Variants in TTC17 observed in about 807,000 individuals in gnomAD.
TTC17 encodes the protein tetratricopeptide repeat domain 17, also known as tetratricopeptide repeat protein 17.
Under a neutral mutation model 143.8 loss-of-function variants are expected in TTC17, and 58 were observed. The observed-to-expected ratio is 0.40, with a 90% CI of 0.33 to 0.50. The LOEUF is 0.50. Ranked by LOEUF, TTC17 falls within the 20% of genes least tolerant of loss-of-function variation. The pLI is 0.49. For synonymous variants in TTC17, 501 were observed against 497.8 expected, an observed-to-expected ratio of 1.01 and a Z score of -0.09; for missense variants, 1,273 against 1,392.5, an observed-to-expected ratio of 0.91 and a Z score of 1.37.
Position 43,404,000 on chromosome 11 carries a change from T to G in TTC17, c.1335T>G (p.Phe445Leu), listed in dbSNP as rs370434041. The change falls in exon 11 of 24, where the codon TTT becomes TTG. Residue 445 changes from phenylalanine (F) to leucine (L), a missense_variant and splice_region_variant. Transcript: ENST00000039989. Reference protein sequence around the residue: ...DIFENVDYVQFGEDSSTSSMM... With the variant: ...DIFENVDYVQLGEDSSTSSMM... ...GAACTTTTTGTTTCATTTTCTAGTT[T>G]GGTGAGGATTCATCAACCTCCAGTA... The G allele has an allele frequency of 1.9e-5, 31 of 1,592,806 alleles. No homozygotes were observed. Among genetic ancestry groups the G allele is most frequent in the Non-Finnish European group, 2.5e-5 (29 of 1,171,620 alleles).
chr11:43,420,813 T>C (rs955338476), intron 16 of TTC17, among the ~76,000 whole-genome samples: 3 of 152,194 alleles, frequency 2.0e-5, no homozygotes, highest in Admixed American at 1.3e-4. Flanking sequence ...AGAATGAGCC[T>C]ATTAGCCCTT....
Position 43,407,354 on chromosome 11 carries a change from C to CA in TTC17, c.1844dup (p.Asn615LysfsTer10). The CA allele has an allele frequency of 6.2e-7, 1 of 1,612,552 alleles. No homozygotes were observed. Among genetic ancestry groups the CA allele is most frequent in the Non-Finnish European group, 8.5e-7 (1 of 1,179,292 alleles). On this transcript the variant is annotated frameshift_variant and splice_region_variant, in exon 15 of 24. Transcript: ENST00000039989. LOFTEE classifies it high-confidence loss of function. ...CTGAAGTATTTTTGGATTTTTCAGCCAAATGCTCCTATCTGGCTCATACTC... is the reference window on the plus strand; with the variant it reads ...CTGAAGTATTTTTGGATTTTTCAGCCAAAATGCTCCTATCTGGCTCATACTC...
At chr11:43,429,077 G>T (rs1412666648) in intron 16 of TTC17, among the ~76,000 whole-genome samples, 1 of 152,208 alleles carries the variant, frequency 6.6e-6, no homozygotes, top group Non-Finnish European at 1.5e-5. Flanking sequence ...GGATAGAACA[G>T]GGCAGAGGAG....
intron 15 of TTC17, among the ~76,000 whole-genome samples, chr11:43,411,592 T>C (rs1858415668): frequency 6.6e-6 from 1 of 152,218 alleles, no homozygotes; most frequent in East Asian, 1.9e-4. Context: ...GCCTGCAACA[T>C]AGTAAATACT....
chr11:43,419,900 T>C (rs1467145312), intron 16 of TTC17, among the ~76,000 whole-genome samples: 1 of 152,182 alleles, frequency 6.6e-6, no homozygotes, highest in Non-Finnish European at 1.5e-5. Context: ...TCACCTCCAT[T>C]TATTTCTGTA....
chr11:43,397,570 A>G, intron 7 of TTC17, 79 bp downstream of exon 7: 1 of 1,394,830 alleles, frequency 7.2e-7, no homozygotes, highest in Non-Finnish European at 9.5e-7. Flanking sequence ...CCTCAGTAGA[A>G]TGTTACTTTT....
rs147599577 is a variant in TTC17, at chr11:43,412,775, C to T, written c.2065-1815C>T. Among the ~76,000 whole-genome samples, 33 of 152,116 alleles carry T rather than the reference C, an allele frequency of 2.2e-4. No homozygotes were observed. In the East Asian group the frequency reaches 5.6e-3, roughly 26 times the overall value. Reference sequence around the variant, plus strand: ...AATCCAAAACATTTCTGGTTCTAGGCATTTTGGATAAGGGATACTCAACTT... The same window carrying T: ...AATCCAAAACATTTCTGGTTCTAGGTATTTTGGATAAGGGATACTCAACTT... On this transcript the variant is annotated intron_variant, in intron 15 of 23. Transcript: ENST00000039989.
chr11:43,410,148 C>T (rs1318733464), intron 15 of TTC17, among the ~76,000 whole-genome samples: 1 of 152,152 alleles, frequency 6.6e-6, no homozygotes, highest in Non-Finnish European at 1.5e-5. Context: ...CCCTTATGCC[C>T]AACCTTGTAA....
intron 8 of TTC17, among the ~76,000 whole-genome samples, chr11:43,399,411 T>A (rs747631441): frequency 6.6e-6 from 1 of 152,192 alleles, no homozygotes; most frequent in Non-Finnish European, 1.5e-5. Flanking sequence ...ATGCCTGTAA[T>A]CCCAGTTATT....
At chr11:43,435,979 G>A (rs535775640) in intron 16 of TTC17, among the ~76,000 whole-genome samples, 6 of 152,300 alleles carry the variant, frequency 3.9e-5, no homozygotes, top group South Asian at 2.1e-4. Flanking sequence ...GAACTTCAGC[G>A]CAAAATCTTG....
rs1318167599 is a variant in TTC17, at chr11:43,405,843, C to A, written c.1653C>A (p.Asp551Glu). 1 of 1,614,052 alleles carries A rather than the reference C, an allele frequency of 6.2e-7. No homozygotes were observed. Among genetic ancestry groups the A allele is most frequent in the South Asian group, 1.1e-5 (1 of 91,084 alleles). Reference protein sequence around the residue: ...YSTEEEAQTPDCSITDFRKSH... With the variant: ...YSTEEEAQTPECSITDFRKSH... Reference sequence around the variant, plus strand: ...CAGAAGAAGAGGCCCAAACCCCTGACTGTTCCATAACTGACTTCAGAAAAA... The same window carrying A: ...CAGAAGAAGAGGCCCAAACCCCTGAATGTTCCATAACTGACTTCAGAAAAA... The change falls in exon 13 of 24, where the codon GAC (aspartate) becomes GAA (glutamate). Residue 551 changes from aspartate (D) to glutamate (E), a missense_variant. Around this residue, in one of 3 missense-constraint regions of TTC17, gnomAD observed 878 missense variants for 899.8 expected, o/e 0.98. Transcript: ENST00000039989.
intron 21 of TTC17, among the ~76,000 whole-genome samples, chr11:43,462,793 A>G (rs961834945): frequency 2.9e-4 from 43 of 150,690 alleles, no homozygotes; most frequent in African/African-American, 1.1e-3. Flanking sequence ...CATATTCCCA[A>G]TCAAAGTAGA....
chr11:43,380,991 A>G (rs986103395), intron 2 of TTC17, among the ~76,000 whole-genome samples: 1 of 152,186 alleles, frequency 6.6e-6, no homozygotes, highest in Non-Finnish European at 1.5e-5. Context: ...TTTCAGGTAT[A>G]TAGACACATT....
rs139723379 is a variant in TTC17, at chr11:43,431,803, C to T, written c.2252-11522C>T. On this transcript the variant is annotated intron_variant, in intron 16 of 23. Transcript: ENST00000039989. ...AGCAGTTCAAGTCCAGCCTGGGCAA[C>T]ATAGTGAGACCCCCATCTCTTAAAA... is the stretch of plus-strand genomic sequence containing the variant. 3.9e-5 allele frequency among the ~76,000 whole-genome samples: 6 copies of T among 152,334 alleles called. No individual in the cohort carries two copies. In the East Asian group the frequency reaches 1.2e-3, roughly 29 times the overall value.
chr11:43,400,102 TG>T, intron 9 of TTC17, 54 bp downstream of exon 9: 1 of 1,555,702 alleles, frequency 6.4e-7, no homozygotes, highest in Non-Finnish European at 8.7e-7. Flanking sequence ...ACTTTTAGCA[TG>T]CTTTACTATC....
At chr11:43,387,839 T>C (rs1857225005) in intron 2 of TTC17, among the ~76,000 whole-genome samples, 1 of 152,226 alleles carries the variant, frequency 6.6e-6, no homozygotes, top group Admixed American at 6.5e-5. Context: ...TATTAGTGAA[T>C]AGTAATACAG....
chr11:43,489,432 C>T (rs1007326403), intron 21 of TTC17, among the ~76,000 whole-genome samples: 1 of 152,040 alleles, frequency 6.6e-6, no homozygotes, highest in African/African-American at 2.4e-5. Flanking sequence ...ATATTTCTGG[C>T]AGGAGATTAA....
At position 43,401,567 on chromosome 11, in the gene TTC17, C is replaced by A; in HGVS notation, c.1332+9C>A. On this transcript the variant is annotated intron_variant, in intron 10 of 23. Coordinates refer to ENST00000039989, the MANE Select transcript of TTC17 (RefSeq NM_018259.6). ...ATGTGGACTATGTTCAGGTCTTTTT[C>A]TTGGTCCAGTCTAATTCTTATAAAC... 1 of 1,575,624 alleles carries A rather than the reference C, an allele frequency of 6.3e-7. No homozygotes were observed. The highest frequency in any genetic ancestry group is 8.7e-7 in the Non-Finnish European group (1 of 1,151,090).
chr11:43,457,861 G>A lies in TTC17; in HGVS notation c.3030+6596G>A, dbSNP rs1281022618. On this transcript the variant is annotated intron_variant, in intron 21 of 23. Coordinates refer to ENST00000039989, the MANE Select transcript of TTC17 (RefSeq NM_018259.6). ...ACATACATATAATTAGGGTCTGGGA[G>A]ATAGAGAAGTAACAGAATCGGGCAG... Among the ~76,000 whole-genome samples, 4 of 152,210 alleles carry A rather than the reference G, an allele frequency of 2.6e-5. No individual in the cohort carries two copies. The East Asian group carries it at 7.8e-4, about 29-fold the overall frequency.
Sources: gnomAD v4.1 joint callset for allele counts (sites outside exome capture counted in the v4.1 genomes callset) on GRCh38, gnomAD v4.1.1 for gene constraint, gnomAD v4.1.1 regional missense constraint, MANE v1.5 for transcripts, NCBI Gene and HGNC (gene_info 2026-07-23, HGNC 2026-07-21) for gene names.